BICD1: variants seen among roughly 807,000 people sequenced by gnomAD.
The protein encoded by BICD1 is BICD cargo adaptor 1.
A neutral mutation model predicts 92.5 loss-of-function variants in BICD1; 35 were observed. That is an observed-to-expected ratio of 0.38 (90% CI 0.29 to 0.50). The LOEUF is 0.50. Among genes scored for constraint, BICD1 ranks in the 20% least tolerant of loss-of-function variants. BICD1 has a pLI of 0.93. For synonymous variants in BICD1, 429 were observed against 465.1 expected, an observed-to-expected ratio of 0.92 and a Z score of 1.00; for missense variants, 950 against 1,189.8, an observed-to-expected ratio of 0.80 and a Z score of 2.97.
At chr12:32,310,493 G>T (rs1322256995) in intron 4 of BICD1, among the ~76,000 whole-genome samples, 1 of 152,112 alleles carries the variant, frequency 6.6e-6, no homozygotes, top group African/African-American at 2.4e-5. Context: ...CAGACTTCTG[G>T]ATGCCATCAA....
chr12:32,369,865 CA>C (rs1939665314), intron 9 of BICD1, among the ~76,000 whole-genome samples: 6 of 151,952 alleles, frequency 3.9e-5, no homozygotes, highest in African/African-American at 1.5e-4. Flanking sequence ...GTGATTGCAT[CA>C]CTGCACTCCA....
chr12:32,382,023 C>A lies in BICD1; in HGVS notation c.*4396C>A, dbSNP rs1940196397. The A allele has an allele frequency of 6.6e-6, 1 of 152,060 alleles. No individual in the cohort carries two copies. Among genetic ancestry groups the A allele is most frequent in the South Asian group, 2.1e-4 (1 of 4,830 alleles). The allele number at this position is 152,060 out of a possible 1,614,324, so 9.4% of individuals were successfully genotyped here. ...AAGTACTTTTTTACCTTAAAATCAA[C>A]TTCTATGGAACTACAAGATCAATCT... is the stretch of plus-strand genomic sequence containing the variant. On this transcript the variant is annotated 3_prime_UTR_variant, in exon 10 of 10. Transcript: ENST00000652176.
At chr12:32,268,751 G>A (rs11051888) in intron 2 of BICD1, among the ~76,000 whole-genome samples, 2,046 of 152,210 alleles carry the variant, frequency 0.013, 55 homozygotes, top group African/African-American at 0.046. Context: ...AGCCAAGATC[G>A]CGCCACTGCA....
chr12:32,203,393 GA>G (rs1272274594), intron 1 of BICD1, among the ~76,000 whole-genome samples: 1 of 152,134 alleles, frequency 6.6e-6, no homozygotes, highest in Non-Finnish European at 1.5e-5. Context: ...GAGTGGGAGA[GA>G]AAAACCACAC....
intron 1 of BICD1, chr12:32,108,399 A>T (rs1010428728): frequency 2.6e-5 from 8 of 309,948 alleles, no homozygotes; most frequent in Non-Finnish European, 3.6e-5. Context: ...GGAGAAAACA[A>T]TGAACGTGCT....
chr12:32,300,638 T>C (rs940297706), intron 3 of BICD1, among the ~76,000 whole-genome samples: 10 of 81,702 alleles, frequency 1.2e-4, no homozygotes, highest in Admixed American at 2.2e-4. Context: ...AGTATTTTTT[T>C]TTTTTTTTTT....
intron 1 of BICD1, among the ~76,000 whole-genome samples, chr12:32,179,229 A>C (rs531915377): frequency 2.0e-5 from 3 of 152,066 alleles, no homozygotes; most frequent in Admixed American, 6.6e-5. Context: ...GCATCTGAAG[A>C]AACAGCAGGC....
intron 2 of BICD1, among the ~76,000 whole-genome samples, chr12:32,230,139 C>T (rs535011382): frequency 1.3e-5 from 2 of 152,050 alleles, no homozygotes; most frequent in African/African-American, 4.8e-5. Flanking sequence ...AGGGGAGGGG[C>T]TGAGATTTGA....
chr12:32,288,869 A>G (rs953429193), intron 2 of BICD1, among the ~76,000 whole-genome samples: 11 of 152,192 alleles, frequency 7.2e-5, no homozygotes, highest in Non-Finnish European at 1.5e-4. Context: ...CTTTCAAAAA[A>G]AAAAAAAATT....
At chr12:32,278,823 G>T (rs935957419) in intron 2 of BICD1, among the ~76,000 whole-genome samples, 4 of 152,068 alleles carry the variant, frequency 2.6e-5, no homozygotes, top group Admixed American at 6.6e-5. Context: ...GCCACTGCAC[G>T]CCAGCCTGGG....
At chr12:32,230,159 A>G (rs1230517912) in intron 2 of BICD1, among the ~76,000 whole-genome samples, 1 of 152,080 alleles carries the variant, frequency 6.6e-6, no homozygotes, top group African/African-American at 2.4e-5. Context: ...AAGGGACAAA[A>G]GTGGGCGATA....
intron 1 of BICD1, among the ~76,000 whole-genome samples, chr12:32,161,304 A>G (rs1385817252): frequency 6.6e-6 from 1 of 152,234 alleles, no homozygotes; most frequent in Non-Finnish European, 1.5e-5. Context: ...AGTGAAATCA[A>G]TATGATTCAA....
chr12:32,285,489 A>G (rs1214908196), intron 2 of BICD1, among the ~76,000 whole-genome samples: 1 of 152,116 alleles, frequency 6.6e-6, no homozygotes, highest in Non-Finnish European at 1.5e-5. Flanking sequence ...TATTATTTTT[A>G]ATATATTGAC....
chr12:32,325,733 G>T lies in BICD1; in HGVS notation c.1006-1728G>T, dbSNP rs142289745. Among the ~76,000 whole-genome samples, 309 of 152,028 alleles carry T rather than the reference G, an allele frequency of 2.0e-3. 6 individuals are homozygous for T. In the East Asian group the frequency reaches 0.047, roughly 23 times the overall value. On this transcript the variant is annotated intron_variant, in intron 4 of 9. Transcript: ENST00000652176. ...ATAATAATTTTACTTGCCACCTAGG[G>T]ATTTAGAAGAGTTCAGAGGGATTTA...
chr12:32,175,810 C>T lies in BICD1; in HGVS notation c.214-40437C>T, dbSNP rs540837252. On this transcript the variant is annotated intron_variant, in intron 1 of 9. Transcript: ENST00000652176. ...ACTGAGTGATGCAACTGTAATGTAACGATAGATGTTCAGGTTTAGAACGTT... is the reference window on the plus strand; with the variant it reads ...ACTGAGTGATGCAACTGTAATGTAATGATAGATGTTCAGGTTTAGAACGTT... Among the ~76,000 whole-genome samples, 238 of 152,200 alleles carry T rather than the reference C, an allele frequency of 1.6e-3. 4 individuals are homozygous for T. The South Asian group carries it at 0.038, about 24-fold the overall frequency.
chr12:32,333,197 C>T, intron 5 of BICD1: 18 of 984,700 alleles, frequency 1.8e-5, no homozygotes, highest in Non-Finnish European at 2.2e-5. Context: ...GAATATGTGT[C>T]TAAGCTTTTT....
At chr12:32,289,890 G>A (rs1376388682) in intron 2 of BICD1, among the ~76,000 whole-genome samples, 1 of 152,182 alleles carries the variant, frequency 6.6e-6, no homozygotes, top group Non-Finnish European at 1.5e-5. Context: ...GTTCTTTTAA[G>A]TTGGCAAACT....
intron 1 of BICD1, among the ~76,000 whole-genome samples, chr12:32,196,158 A>T (rs907839437): frequency 5.9e-5 from 9 of 152,200 alleles, no homozygotes; most frequent in African/African-American, 2.2e-4. Flanking sequence ...GTTGGCGAGG[A>T]TGTGGAGAAA....
At chr12:32,211,594 C>T (rs1945216811) in intron 1 of BICD1, among the ~76,000 whole-genome samples, 2 of 151,784 alleles carry the variant, frequency 1.3e-5, no homozygotes, top group Admixed American at 1.3e-4. Context: ...GCGAAAAATA[C>T]GAGAGCCACA....
Sources: allele counts gnomAD v4.1 joint callset (sites outside exome capture counted in the v4.1 genomes callset), GRCh38; gene constraint gnomAD v4.1.1; transcripts MANE v1.5; gene names NCBI Gene and HGNC (gene_info 2026-07-23, HGNC 2026-07-21).